The following KDM5C variants were observed in gnomAD, a reference collection of about 807,000 sequenced individuals.
The protein encoded by KDM5C is lysine demethylase 5C.
Under a neutral mutation model 110.6 loss-of-function variants are expected in KDM5C, and 16 were observed. That is an observed-to-expected ratio of 0.14 (90% CI 0.10 to 0.22). The LOEUF is 0.22. Among genes scored for constraint, KDM5C ranks in the 10% least tolerant of loss-of-function variants. KDM5C has a pLI of 1.00. For synonymous variants in KDM5C, 511 were observed against 520.4 expected, an observed-to-expected ratio of 0.98 and a Z score of 0.24; for missense variants, 681 against 1,300.9, an observed-to-expected ratio of 0.52 and a Z score of 7.33.
Position 53,192,486 on chromosome X carries a change from C to A in KDM5C, c.*481G>T. ...GCACGGCTATGTGAAGTTTCCTCCT[C>A]CTGGGTGGAACAGTCAGGGGAAGGG... On this transcript the variant is annotated 3_prime_UTR_variant, in exon 26 of 26. Transcript: ENST00000375401. 1 of 294,918 alleles carries A rather than the reference C, an allele frequency of 3.4e-6. No homozygotes were observed. The allele number at this position is 294,918 out of a possible 1,213,427, so 24.3% of individuals were successfully genotyped here.
chrX:53,197,987 T>A (rs1296428467), intron 17 of KDM5C, 111 bp from the exon 18 acceptor site: 2 of 618,465 alleles, frequency 3.2e-6, no homozygotes, highest in African/African-American at 4.4e-5. Context: ...TGATCTCGCA[T>A]ATTTCAAATT....
chrX:53,192,865 C>CG lies in KDM5C; in HGVS notation c.*101_*102insC, dbSNP rs782003345. The CG allele has an allele frequency of 6.3e-6, 5 of 798,187 alleles. No individual in the cohort carries two copies. The highest frequency in any genetic ancestry group is 6.8e-6 in the Non-Finnish European group (4 of 591,632). 65.8% of individuals were successfully genotyped at this position (798,187 alleles called of 1,213,427 possible). ...GGGCGGGTAGCAGGGATGGCCACCC[C>CG]CCTACCCGCCCACCCCCCAAGAAGC... On this transcript the variant is annotated 3_prime_UTR_variant, in exon 26 of 26. Coordinates refer to ENST00000375401, the MANE Select transcript of KDM5C (RefSeq NM_004187.5).
chrX:53,199,498 G>C (rs2073074360), intron 14 of KDM5C, among the ~76,000 whole-genome samples: 1 of 111,847 alleles, frequency 8.9e-6, no homozygotes, highest in Non-Finnish European at 1.9e-5. Context: ...GAGTGCAAGT[G>C]GCCAAGGGAC....
intron 20 of KDM5C, 106 bp from the exon 21 acceptor site, chrX:53,195,516 G>A: frequency 1.2e-6 from 1 of 802,139 alleles, no homozygotes; most frequent in Non-Finnish European, 1.8e-6. Flanking sequence ...CAGTCTTGAG[G>A]GATTAAAAAA....
intron 12 of KDM5C, 152 bp from the exon 13 acceptor site, chrX:53,202,125 A>T: frequency 1.6e-6 from 1 of 616,509 alleles, no homozygotes; most frequent in South Asian, 2.6e-5. Flanking sequence ...GAAAGGAAGG[A>T]CCACTGGTCT....
chrX:53,186,527 T>C (rs781856448), downstream of KDM5C, among the ~76,000 whole-genome samples: 3 of 112,104 alleles, frequency 2.7e-5, no homozygotes, highest in Middle Eastern at 4.2e-3. Context: ...GCCTAGATGA[T>C]GAATAAGCTG....
In KDM5C at chrX:53,211,601, C is replaced by T. The variant is rs782097724; in HGVS notation, c.1297G>A (p.Glu433Lys). 1 of 1,211,660 alleles carries T rather than the reference C, an allele frequency of 8.3e-7. No individual in the cohort carries two copies. Among genetic ancestry groups the T allele is most frequent in the Admixed American group, 2.2e-5 (1 of 46,051 alleles). ...CCATACTCAACAGTCACATCTTCCT[C>T]AATGCTATTTACCAGCCTCCAGAAC... ...KEFWRLVNSI[E>K]EDVTVEYGAD... Residue 433 changes from glutamate (E) to lysine (K), a missense_variant, in exon 10 of 26, where the codon GAG becomes AAG. By Grantham distance (56) the Glu-to-Lys change is moderately conservative (BLOSUM62 1). This residue lies in a region of KDM5C where 41 missense variants were observed against 205.9 expected (regional missense o/e 0.20). Transcript: ENST00000375401.
chrX:53,201,801 T>C, intron 13 of KDM5C, 53 bp downstream of exon 13: 1 of 1,211,342 alleles, frequency 8.3e-7, no homozygotes, highest in Non-Finnish European at 1.1e-6. Context: ...ATGCCCCAGC[T>C]TCTCTACAAC....
rs181370259 is a variant in KDM5C at position 53,199,819 on chromosome X, A to G, written c.2062-661T>C. Among the ~76,000 whole-genome samples the G allele has an allele frequency of 3.6e-5, 4 of 112,099 alleles. No homozygotes were observed. The East Asian group carries it at 8.4e-4, about 24-fold the overall frequency. ...GTAATCGAGAGACAACCCAGTGTGT[A>G]TATCTAATGGGCAATTTTAGGGATT... On this transcript the variant is annotated intron_variant, in intron 14 of 25. Transcript: ENST00000375401.
Position 53,201,575 on chromosome X carries a change from C to A in KDM5C, c.2036G>T (p.Arg679Leu). The change falls in exon 14 of 26, where the codon CGT (arginine) becomes CTT (leucine). Residue 679 changes from arginine (R) to leucine (L), a missense_variant. Physicochemically the swap from Arg to Leu is moderately radical, Grantham distance 102. Transcript: ENST00000375401. ...EMFIMVQEER[R>L]LRKALLEKGI... ...CTTCTCCAGCAGGGCCTTTCGTAGA[C>A]GCCGCTCTTCTTGCACCATGATGAA... The A allele has an allele frequency of 8.3e-7, 1 of 1,211,936 alleles. No homozygotes were observed. The highest frequency in any genetic ancestry group is 1.1e-6 in the Non-Finnish European group (1 of 895,541).
chrX:53,216,044 G>A, intron 6 of KDM5C, 30 bp downstream of exon 6: 1 of 1,212,133 alleles, frequency 8.2e-7, no homozygotes, highest in Admixed American at 2.2e-5. Context: ...TTCTCCCCAG[G>A]TGAGGCCACC....
At position 53,193,133 on chromosome X, in the gene KDM5C, C is replaced by T. The variant is rs1315455348; in HGVS notation, c.4517G>A (p.Gly1506Asp). ...EELEEETGGEGPPAPIPTTGS... is the reference protein window; with the variant it reads ...EELEEETGGEDPPAPIPTTGS... ...AGTGGTGGGGATGGGTGCAGGGGGGCCCTCACCCCCAGTCTCCTCCTCCAG... is the reference window on the plus strand; with the variant it reads ...AGTGGTGGGGATGGGTGCAGGGGGGTCCTCACCCCCAGTCTCCTCCTCCAG... Residue 1506 changes from glycine (G) to aspartate (D), a missense_variant, in exon 26 of 26, where the codon GGC becomes GAC. Physicochemically the swap from Gly to Asp is moderately conservative, Grantham distance 94. Around this residue, in one of 14 missense-constraint regions of KDM5C, gnomAD observed 115 missense variants for 120.9 expected, o/e 0.95. Coordinates refer to ENST00000375401, the MANE Select transcript of KDM5C (RefSeq NM_004187.5). 2.1e-5 allele frequency: 26 copies of T among 1,209,936 alleles called. No individual in the cohort carries two copies. The highest frequency in any genetic ancestry group is 2.8e-5 in the Non-Finnish European group (25 of 894,756).
intron 25 of KDM5C, among the ~76,000 whole-genome samples, chrX:53,177,076 C>T (rs1011494388): frequency 3.6e-5 from 4 of 112,265 alleles, no homozygotes; most frequent in Non-Finnish European, 7.5e-5. Context: ...GAGCAAAACT[C>T]TATCTCTACA....
intron 12 of KDM5C, among the ~76,000 whole-genome samples, chrX:53,207,292 A>G (rs1334425731): frequency 9.0e-6 from 1 of 111,218 alleles, no homozygotes; most frequent in Non-Finnish European, 1.9e-5. Flanking sequence ...CAATATTACC[A>G]TTTCTATGTG....
intron 12 of KDM5C, among the ~76,000 whole-genome samples, chrX:53,205,020 T>C (rs2073282556): frequency 8.9e-6 from 1 of 112,177 alleles, no homozygotes; most frequent in Admixed American, 9.5e-5. Context: ...GTATTCTCCA[T>C]CTCTGTAATT....
chrX:53,211,469 G>A (rs1309596214), intron 10 of KDM5C, 28 bp downstream of exon 10: 1 of 1,202,056 alleles, frequency 8.3e-7, no homozygotes, highest in Non-Finnish European at 1.1e-6. Flanking sequence ...TCACACAGCT[G>A]ACACGTAACC....
chrX:53,177,225 A>C (rs782292900), intron 25 of KDM5C, among the ~76,000 whole-genome samples: 4 of 111,267 alleles, frequency 3.6e-5, no homozygotes, highest in Non-Finnish European at 7.5e-5. Flanking sequence ...TTTGAAAAAA[A>C]TAAAAATTAG....
At chrX:53,209,065 C>T (rs1556847484) in intron 12 of KDM5C, among the ~76,000 whole-genome samples, 2 of 110,384 alleles carry the variant, frequency 1.8e-5, no homozygotes, top group Non-Finnish European at 3.8e-5. Context: ...GATCTGACTG[C>T]CTTGGCCTCC....
intron 1 of KDM5C, among the ~76,000 whole-genome samples, chrX:53,224,199 A>G (rs1187629453): frequency 2.7e-5 from 3 of 111,979 alleles, no homozygotes; most frequent in South Asian, 3.7e-4. Context: ...AGTTTAATTC[A>G]ATCCTCTAAA....
Sources: gnomAD v4.1 joint callset for allele counts (sites outside exome capture counted in the v4.1 genomes callset) on GRCh38, gnomAD v4.1.1 for gene constraint, gnomAD v4.1.1 regional missense constraint, MANE v1.5 for transcripts, NCBI Gene and HGNC (gene_info 2026-07-23, HGNC 2026-07-21) for gene names.